COMMD10: variants seen among roughly 807,000 people sequenced by gnomAD.
The protein encoded by COMMD10 is COMM domain-containing protein 10.
In COMMD10, 33 loss-of-function variants were observed where a neutral mutation model predicts 28.9. That is an observed-to-expected ratio of 1.14 (90% CI 0.87 to 1.53). The LOEUF is 1.53. Among genes scored for constraint, COMMD10 ranks in the 40% most tolerant of loss-of-function variants. The pLI, the probability that COMMD10 is intolerant of heterozygous loss-of-function variation, is 0.00. For missense variants in COMMD10, 310 were observed against 233.4 expected (o/e 1.33, Z -2.14); for synonymous variants, 110 against 81.7 (o/e 1.35, Z -1.87).
intron 5 of COMMD10, among the ~76,000 whole-genome samples, chr5:116,134,709 C>A (rs961974180): frequency 6.6e-5 from 10 of 152,162 alleles, no homozygotes; most frequent in Non-Finnish European, 1.5e-4. Flanking sequence ...CAGGCTCCGC[C>A]CCCTGGGGTT....
At chr5:116,100,989 C>T (rs903679251) in intron 4 of COMMD10, among the ~76,000 whole-genome samples, 3 of 152,082 alleles carry the variant, frequency 2.0e-5, no homozygotes, top group African/African-American at 7.2e-5. Flanking sequence ...TAAGAATATG[C>T]AGTATTTGTC....
At chr5:116,092,896 A>G (rs1467563450) in intron 4 of COMMD10, among the ~76,000 whole-genome samples, 196 bp downstream of exon 4, 2 of 152,224 alleles carry the variant, frequency 1.3e-5, no homozygotes, top group African/African-American at 4.8e-5. Flanking sequence ...AGTCAAAAAC[A>G]GAGTACACTC....
chr5:116,169,251 A>C (rs996665444), intron 5 of COMMD10, among the ~76,000 whole-genome samples: 2 of 152,210 alleles, frequency 1.3e-5, no homozygotes, highest in Admixed American at 1.3e-4. Flanking sequence ...AATCTGGAAG[A>C]AATGGATACA....
chr5:116,160,297 T>C (rs1169691100), intron 5 of COMMD10, among the ~76,000 whole-genome samples: 2 of 152,332 alleles, frequency 1.3e-5, no homozygotes, highest in Admixed American at 6.5e-5. Context: ...TTAAAAAATA[T>C]AAATTTACTC....
chr5:116,226,376 C>G (rs17139193), intron 5 of COMMD10, among the ~76,000 whole-genome samples: 1 of 149,644 alleles, frequency 6.7e-6, no homozygotes, highest in African/African-American at 2.5e-5. Context: ...CACCTCAACT[C>G]TTCCAAATTT....
chr5:116,191,506 T>C (rs1019368320), intron 5 of COMMD10, among the ~76,000 whole-genome samples: 2 of 151,682 alleles, frequency 1.3e-5, no homozygotes, highest in Non-Finnish European at 2.9e-5. Context: ...GGGTGACGCC[T>C]GTGACTGCCA....
At chr5:116,277,345 C>G (rs1750945938) in intron 5 of COMMD10, among the ~76,000 whole-genome samples, 1 of 151,872 alleles carries the variant, frequency 6.6e-6, no homozygotes, top group African/African-American at 2.4e-5. Context: ...GAATCATAAT[C>G]AGGTAATTAG....
intron 5 of COMMD10, among the ~76,000 whole-genome samples, chr5:116,268,941 C>T (rs1301551393): frequency 6.6e-6 from 1 of 150,470 alleles, no homozygotes; most frequent in Admixed American, 6.6e-5. Context: ...AAACCGGAGC[C>T]TGTTGTGGGG....
chr5:116,233,687 C>A (rs1405819608), intron 5 of COMMD10, among the ~76,000 whole-genome samples: 1 of 151,966 alleles, frequency 6.6e-6, no homozygotes, highest in Non-Finnish European at 1.5e-5. Flanking sequence ...CAGAACATTC[C>A]AGGTAAAGAA....
chr5:116,244,734 G>A (rs1337385316), intron 5 of COMMD10, among the ~76,000 whole-genome samples: 1 of 149,432 alleles, frequency 6.7e-6, no homozygotes, highest in Non-Finnish European at 1.5e-5. Flanking sequence ...ATGATTTTTA[G>A]GTAGACAATG....
intron 5 of COMMD10, among the ~76,000 whole-genome samples, chr5:116,151,363 G>A (rs1007498083): frequency 6.6e-6 from 1 of 152,006 alleles, no homozygotes; most frequent in Non-Finnish European, 1.5e-5. Context: ...TCAGGATGAT[G>A]CTGGCCTCAT....
chr5:116,201,497 C>G (rs1748664725), intron 5 of COMMD10, among the ~76,000 whole-genome samples: 1 of 152,176 alleles, frequency 6.6e-6, no homozygotes, highest in Admixed American at 6.6e-5. Context: ...TTCTGGGTTT[C>G]TACTCCAATA....
intron 5 of COMMD10, among the ~76,000 whole-genome samples, chr5:116,192,094 C>T (rs1349914581): frequency 3.3e-5 from 5 of 152,046 alleles, no homozygotes; most frequent in East Asian, 3.9e-4. Flanking sequence ...CAGGAAGCCA[C>T]GTCCATAGGA....
chr5:116,129,981 AAC>A (rs1751813342), intron 4 of COMMD10, among the ~76,000 whole-genome samples: 1 of 151,214 alleles, frequency 6.6e-6, no homozygotes. Flanking sequence ...TGCATGCACA[AAC>A]ACATATGAGG....
At chr5:116,218,208 C>T (rs1457780481) in intron 5 of COMMD10, 32 of 767,598 alleles carry the variant, frequency 4.2e-5, no homozygotes, top group East Asian at 7.4e-5. Flanking sequence ...GCAGGTTTAG[C>T]GGACAACCTT....
intron 4 of COMMD10, among the ~76,000 whole-genome samples, chr5:116,126,406 C>T (rs1419580893): frequency 7.6e-6 from 1 of 131,080 alleles, no homozygotes; most frequent in Non-Finnish European, 1.5e-5. Flanking sequence ...ACTTTCTTCA[C>T]AGAATTGGAA....
chr5:116,176,427 TG>T (rs1744247441), intron 5 of COMMD10, among the ~76,000 whole-genome samples: 1 of 152,202 alleles, frequency 6.6e-6, no homozygotes, highest in East Asian at 1.9e-4. Context: ...ACTTATTCAC[TG>T]TTCTGCTTTA....
intron 5 of COMMD10, among the ~76,000 whole-genome samples, chr5:116,167,682 A>G (rs1292380657): frequency 6.6e-6 from 1 of 152,080 alleles, no homozygotes; most frequent in Non-Finnish European, 1.5e-5. Context: ...AATATTCAAC[A>G]CTCTTAAAGA....
intron 5 of COMMD10, among the ~76,000 whole-genome samples, chr5:116,230,203 C>T (rs1021159264): frequency 1.3e-5 from 2 of 151,928 alleles, no homozygotes; most frequent in Non-Finnish European, 2.9e-5. Context: ...AACAAAGCAG[C>T]CTTACTACGT....
Sources: allele counts gnomAD v4.1 joint callset (sites outside exome capture counted in the v4.1 genomes callset), GRCh38; gene constraint gnomAD v4.1.1; transcripts MANE v1.5; gene names NCBI Gene and HGNC (gene_info 2026-07-23, HGNC 2026-07-21).